MEAF6: variants seen among roughly 807,000 people sequenced by gnomAD.
MEAF6 encodes chromatin modification-related protein MEAF6.
Under a neutral mutation model 28.9 loss-of-function variants are expected in MEAF6, and 15 were observed. That is an observed-to-expected ratio of 0.52 (90% CI 0.35 to 0.80). MEAF6 has a LOEUF of 0.80. Ranked by LOEUF, MEAF6 falls within the 30% of genes least tolerant of loss-of-function variation. The pLI is 0.01. For missense variants in MEAF6, 178 were observed against 237.5 expected (o/e 0.75, Z 1.65); for synonymous variants, 97 against 88.7 (o/e 1.09, Z -0.53).
intron 4 of MEAF6, among the ~76,000 whole-genome samples, 197 bp downstream of exon 4, chr1:37,509,081 T>C (rs945513153): frequency 2.6e-5 from 4 of 152,162 alleles, no homozygotes; most frequent in African/African-American, 9.7e-5. Flanking sequence ...TGGGCTATAG[T>C]GAGACCTTGT....
In MEAF6 at chr1:37,494,077, A is replaced by T. The variant is rs755824900; in HGVS notation, c.*22T>A. On this transcript the variant is annotated 3_prime_UTR_variant, in exon 7 of 7. Transcript: ENST00000296214. ...GGGAAGCAGGGCTCTACAGCCTGGA[A>T]GCTTCTGCACTAATGTGTCTTCTAA... is the stretch of plus-strand genomic sequence containing the variant. 1 of 1,611,338 alleles carries T rather than the reference A, an allele frequency of 6.2e-7. No homozygotes were observed.
At chr1:37,497,030 A>G (rs1557604635) in intron 5 of MEAF6, among the ~76,000 whole-genome samples, 1 of 152,204 alleles carries the variant, frequency 6.6e-6, no homozygotes, top group African/African-American at 2.4e-5. Flanking sequence ...AACTTTTAAA[A>G]TATTTAATTG....
chr1:37,495,707 A>AAAAAAC (rs1642106581), intron 6 of MEAF6, among the ~76,000 whole-genome samples, 178 bp downstream of exon 6: 1 of 98,508 alleles, frequency 1.0e-5, no homozygotes, highest in African/African-American at 3.3e-5. Flanking sequence ...CAAAAAACAA[A>AAAAAAC]AAAAAAAAAA....
At chr1:37,514,517 C>T (rs1642776363) in intron 1 of MEAF6, 140 bp downstream of exon 1, 1 of 499,090 alleles carries the variant, frequency 2.0e-6, no homozygotes, top group African/African-American at 2.1e-5. Context: ...GAATGCGCAC[C>T]CGGCCTCAGG....
chr1:37,512,666 G>T (rs1018545649), intron 2 of MEAF6, among the ~76,000 whole-genome samples: 1 of 151,726 alleles, frequency 6.6e-6, no homozygotes, highest in East Asian at 1.9e-4. Context: ...GAGGCAGGAG[G>T]ACTGCTTGAA....
chr1:37,511,076 T>C (rs767828275), intron 2 of MEAF6, among the ~76,000 whole-genome samples: 1 of 152,248 alleles, frequency 6.6e-6, no homozygotes, highest in Non-Finnish European at 1.5e-5. Context: ...ATTAGTGATA[T>C]GAAGTGTCTC....
At chr1:37,511,249 C>T (rs1043664315) in intron 2 of MEAF6, among the ~76,000 whole-genome samples, 9 of 152,140 alleles carry the variant, frequency 5.9e-5, no homozygotes, top group Admixed American at 5.2e-4. Flanking sequence ...GTTGAAACGA[C>T]AAACAAGCCA....
Position 37,497,737 on chromosome 1 carries a change from G to A in MEAF6, c.534-1819C>T, listed in dbSNP as rs182403699. On this transcript the variant is annotated intron_variant, in intron 5 of 6. Transcript: ENST00000296214. The stretch of plus-strand genomic sequence containing the variant: ...CTCCCTAGCAGCTGGGATTACAGGC[G>A]CCTGCCACTAGGTCCAGCTAATTTT... 1.8e-4 allele frequency among the ~76,000 whole-genome samples: 27 copies of A among 152,000 alleles called. 1 individual carries two copies. In the East Asian group the frequency reaches 4.3e-3, roughly 24 times the overall value.
At chr1:37,505,553 C>A (rs1442263773) in intron 4 of MEAF6, among the ~76,000 whole-genome samples, 4 of 152,182 alleles carry the variant, frequency 2.6e-5, no homozygotes, top group South Asian at 2.1e-4. Flanking sequence ...CTAGAAAATT[C>A]TTCTTCCAAT....
intron 6 of MEAF6, among the ~76,000 whole-genome samples, chr1:37,495,377 T>TAAAG (rs1445498460): frequency 1.0e-4 from 14 of 139,148 alleles, no homozygotes; most frequent in East Asian, 4.1e-4. Flanking sequence ...AATAAATAAA[T>TAAAG]AAAGTATGTG....
At chr1:37,500,355 A>G (rs1162423013) in intron 5 of MEAF6, among the ~76,000 whole-genome samples, 2 of 152,222 alleles carry the variant, frequency 1.3e-5, no homozygotes, top group East Asian at 3.8e-4. Flanking sequence ...AATACAGAGC[A>G]TGACATTTAA....
intron 4 of MEAF6, among the ~76,000 whole-genome samples, chr1:37,505,175 T>C (rs1488327443): frequency 6.6e-6 from 1 of 152,180 alleles, no homozygotes; most frequent in Non-Finnish European, 1.5e-5. Context: ...TGAGCCACCG[T>C]ATCTGGCCCA....
intron 5 of MEAF6, chr1:37,500,901 C>G (rs1330552832): frequency 6.5e-6 from 1 of 154,132 alleles, no homozygotes; most frequent in Non-Finnish European, 1.5e-5. Context: ...AACGAATGTA[C>G]AGTTTCTAGA....
rs186893691 is a variant in MEAF6 at position 37,493,850 on chromosome 1, G to A, written c.*249C>T. ...AGAAACGCACAGTTAGCAACTTGCT[G>A]GGATTACAACATTGTCTTCATCTTC... On this transcript the variant is annotated 3_prime_UTR_variant, in exon 7 of 7. Coordinates refer to ENST00000296214, the MANE Select transcript of MEAF6 (RefSeq NM_001270875.3). 1.3e-5 allele frequency: 20 copies of A among 1,551,204 alleles called. No individual in the cohort carries two copies. The highest frequency in any genetic ancestry group is 2.4e-5 in the East Asian group (1 of 41,190).
chr1:37,509,121 TAAGGATACCCTAA>T (rs1642583428), intron 4 of MEAF6, among the ~76,000 whole-genome samples, 144 bp downstream of exon 4: 1 of 151,924 alleles, frequency 6.6e-6, no homozygotes, highest in African/African-American at 2.4e-5. Context: ...AAAACATGAT[TAAGGATACCCTAA>T]AAGTTTCAAA....
intron 5 of MEAF6, 28 bp downstream of exon 5, chr1:37,501,776 C>T (rs200412091): frequency 5.2e-6 from 8 of 1,527,314 alleles, no homozygotes; most frequent in Non-Finnish European, 7.1e-6. Context: ...GTCATGGGAG[C>T]TGCGGGGGTG....
intron 4 of MEAF6, among the ~76,000 whole-genome samples, chr1:37,507,172 T>C (rs919634758): frequency 3.3e-5 from 5 of 152,092 alleles, no homozygotes; most frequent in East Asian, 1.9e-4. Flanking sequence ...ATACAAAAAT[T>C]AGCTGGGCAT....
Position 37,513,515 on chromosome 1 carries a change from T to C in MEAF6, c.114A>G (p.Arg38=). The C allele has an allele frequency of 6.2e-7, 1 of 1,614,172 alleles. No individual in the cohort carries two copies. The highest frequency in any genetic ancestry group is 8.5e-7 in the Non-Finnish European group (1 of 1,179,990). The change falls in exon 2 of 7, where the codon CGA becomes CGG. Residue 38 remains arginine (R), a synonymous_variant. Coordinates refer to ENST00000296214, the MANE Select transcript of MEAF6 (RefSeq NM_001270875.3). ...AGCTTCCCTCAAAAGCATAGATCTG[T>C]CGCTCCAAATTTGCCAATGTTTCCT... ...ELAETLANLE[R]QIYAFEGSYL...
At chr1:37,503,658 CA>C (rs773565571) in intron 4 of MEAF6, among the ~76,000 whole-genome samples, 217 of 47,962 alleles carry the variant, frequency 4.5e-3, no homozygotes, top group East Asian at 0.035. Flanking sequence ...AAGACTGTCT[CA>C]AAAAAAAAAA....
Sources: allele counts gnomAD v4.1 joint callset (sites outside exome capture counted in the v4.1 genomes callset), GRCh38; gene constraint gnomAD v4.1.1; transcripts MANE v1.5; gene names NCBI Gene and HGNC (gene_info 2026-07-23, HGNC 2026-07-21).